The following PPP1R3F variants were observed in gnomAD, a reference collection of about 807,000 sequenced individuals.
PPP1R3F encodes protein phosphatase 1 regulatory subunit 3F.
In PPP1R3F, 29 loss-of-function variants were observed where a neutral mutation model predicts 24.2. The observed-to-expected ratio is 1.20, with a 90% CI of 0.89 to 1.63. The LOEUF (loss-of-function observed/expected upper bound fraction) is 1.63, where lower values mean the gene tolerates loss of function less well. PPP1R3F is among the 40% of genes most tolerant of loss of function. PPP1R3F has a pLI of 0.00. For missense variants in PPP1R3F, 823 were observed against 729.3 expected (o/e 1.13, Z -1.48); for synonymous variants, 363 against 340.1 (o/e 1.07, Z -0.74).
At chrX:49,289,664 G>A (rs868966668), downstream of PPP1R3F, among the ~76,000 whole-genome samples, 80 of 111,859 alleles carry the variant, frequency 7.2e-4, no homozygotes, top group African/African-American at 2.5e-3. Flanking sequence ...CTCTGGCAGA[G>A]GGAGGGATGT....
chrX:49,277,990 A>C (rs1265714991), intron 1 of PPP1R3F, among the ~76,000 whole-genome samples: 1 of 111,827 alleles, frequency 8.9e-6, no homozygotes, highest in Non-Finnish European at 1.9e-5. Flanking sequence ...GCTTCTGTCG[A>C]TGTTGTGGAT....
At chrX:49,272,585 G>A (rs1391854278) in intron 1 of PPP1R3F, among the ~76,000 whole-genome samples, 1 of 112,918 alleles carries the variant, frequency 8.9e-6, no homozygotes, top group African/African-American at 3.2e-5. Context: ...ATTCGGCTCC[G>A]CCCATCAGCT....
rs1202359025 is a variant in PPP1R3F, at chrX:49,271,449, A to G, written c.1004+576A>G. 5.3e-5 allele frequency among the ~76,000 whole-genome samples: 6 copies of G among 112,818 alleles called. 1 individual carries two copies. The highest frequency in any genetic ancestry group is 9.4e-5 in the Non-Finnish European group (5 of 53,325). ...TATGGAACAAGGGTGTTCTAGGTAG[A>G]GGAAACAGCAAGTGCAAAGGTCCTG... On this transcript the variant is annotated intron_variant, in intron 1 of 3. Transcript: ENST00000055335.
chrX:49,283,516 C>T (rs1346516467), intron 3 of PPP1R3F, among the ~76,000 whole-genome samples: 1 of 111,768 alleles, frequency 8.9e-6, no homozygotes, highest in Non-Finnish European at 1.9e-5. Flanking sequence ...AGAAAATAAA[C>T]GGTAATTCCT....
intron 1 of PPP1R3F, among the ~76,000 whole-genome samples, chrX:49,272,768 C>T (rs782567808): frequency 8.9e-5 from 10 of 112,361 alleles, no homozygotes; most frequent in South Asian, 3.7e-4. Context: ...CCATTCTCTC[C>T]GTGAGGCCTG....
In PPP1R3F at chrX:49,269,821, C is replaced by CCCCGCCGGT; in HGVS notation, c.-41_-33dup. 1.2e-6 allele frequency: 1 copy of CCCCGCCGGT among 812,373 alleles called. No individual in the cohort carries two copies. The allele number at this position is 812,373 out of a possible 1,213,427, so 66.9% of individuals were successfully genotyped here. ...GGCTGCCCGCCCCTTCAGGCCCTGCCCCCGCCGGTCCCGCCGCCGGTGCCG... is the reference window on the plus strand; with the variant it reads ...GGCTGCCCGCCCCTTCAGGCCCTGCCCCCGCCGGTCCCGCCGGTCCCGCCGCCGGTGCCG... On this transcript the variant is annotated 5_prime_UTR_variant, in exon 1 of 4. Transcript: ENST00000055335.
intron 3 of PPP1R3F, among the ~76,000 whole-genome samples, chrX:49,284,982 C>T (rs986452275): frequency 1.8e-5 from 2 of 111,124 alleles, no homozygotes; most frequent in Admixed American, 9.6e-5. Flanking sequence ...GAAGATGATA[C>T]ATCATGGGTT....
rs782360519 is a variant in PPP1R3F, at chrX:49,270,142, G to C, written c.273G>C (p.Gly91=). The change falls in exon 1 of 4, where the codon GGG becomes GGC. Residue 91 remains glycine, a synonymous_variant. Coordinates refer to ENST00000055335, the MANE Select transcript of PPP1R3F (RefSeq NM_033215.5). ...EDDDGEDGDE[G]EEEEEACPEP... ...ACGATGGCGAGGATGGGGATGAAGG[G>C]GAGGAGGAAGAGGAGGCTTGCCCCG... 2 of 1,076,170 alleles carry C rather than the reference G, an allele frequency of 1.9e-6. No homozygotes were observed. The highest frequency in any genetic ancestry group is 2.4e-6 in the Non-Finnish European group (2 of 834,382). 88.7% of individuals were successfully genotyped at this position (1,076,170 alleles called of 1,213,427 possible).
At position 49,270,660 on chromosome X, in the gene PPP1R3F, G is replaced by A; in HGVS notation, c.791G>A (p.Arg264His). The A allele has an allele frequency of 8.3e-7, 1 of 1,209,187 alleles. No homozygotes were observed. Among genetic ancestry groups the A allele is most frequent in the Non-Finnish European group, 1.1e-6 (1 of 894,662 alleles). ...GGGGCGCGCCTCGACTTCGTGGTGC[G>A]CTATGAGACCCCTGAGGGCACTTTC... ...GDGARLDFVV[R>H]YETPEGTFWA... The change falls in exon 1 of 4, where the codon CGC becomes CAC. Residue 264 changes from arginine to histidine, a missense_variant. Arg to His is a conservative substitution (Grantham distance 29). Transcript: ENST00000055335.
intron 1 of PPP1R3F, among the ~76,000 whole-genome samples, chrX:49,278,391 G>T (rs1477632387): frequency 8.9e-6 from 1 of 112,556 alleles, no homozygotes; most frequent in Non-Finnish European, 1.9e-5. Context: ...GTAACAAAAA[G>T]AAGTAAGTTA....
At chrX:49,296,537 A>T (rs373157357) in intron 3 of PPP1R3F, among the ~76,000 whole-genome samples, 20 of 110,781 alleles carry the variant, frequency 1.8e-4, no homozygotes, top group Middle Eastern at 4.6e-3. Context: ...CTCTGATCTT[A>T]GTTATTTCTT....
chrX:49,296,814 G>C (rs1390953453), intron 3 of PPP1R3F, among the ~76,000 whole-genome samples: 1 of 112,044 alleles, frequency 8.9e-6, no homozygotes, highest in Admixed American at 9.5e-5. Flanking sequence ...TTTCCATGTA[G>C]TTGTGTGGTT....
At chrX:49,290,313 C>G (rs1326734513), downstream of PPP1R3F, among the ~76,000 whole-genome samples, 5 of 110,526 alleles carry the variant, frequency 4.5e-5, no homozygotes, top group Non-Finnish European at 9.5e-5. Context: ...AGTGGGGAAT[C>G]CTCTATCGTG....
At position 49,270,100 on chromosome X, in the gene PPP1R3F, C is replaced by T. The variant is rs1557118637; in HGVS notation, c.231C>T (p.Gly77=). 1.0e-6 allele frequency: 1 copy of T among 1,004,782 alleles called. No homozygotes were observed. The highest frequency in any genetic ancestry group is 1.3e-6 in the Non-Finnish European group (1 of 795,582). The allele number at this position is 1,004,782 out of a possible 1,213,427, so 82.8% of individuals were successfully genotyped here. Residue 77 remains glycine, a synonymous_variant, in exon 1 of 4, where the codon GGC becomes GGT. Coordinates refer to ENST00000055335, the MANE Select transcript of PPP1R3F (RefSeq NM_033215.5). ...AAAGQDGGGG[G]GADEDDDGED... is the part of the protein sequence containing the mutation. ...CCGGGCAAGATGGCGGCGGCGGCGG[C>T]GGGGCCGACGAGGACGACGATGGCG...
At chrX:49,294,523 C>G (rs1433200921) in intron 3 of PPP1R3F, among the ~76,000 whole-genome samples, 1 of 110,077 alleles carries the variant, frequency 9.1e-6, no homozygotes, top group Non-Finnish European at 1.9e-5. Context: ...GCTGGTCAGG[C>G]CTTTCAATTA....
downstream of PPP1R3F, among the ~76,000 whole-genome samples, chrX:49,289,374 T>C (rs1262773159): frequency 9.0e-6 from 1 of 111,175 alleles, no homozygotes; most frequent in Non-Finnish European, 1.9e-5. Context: ...GAGGAGATAA[T>C]GGAATCACAT....
chrX:49,281,585 T>G, intron 2 of PPP1R3F, 124 bp downstream of exon 2: 2 of 549,999 alleles, frequency 3.6e-6, no homozygotes, highest in Non-Finnish European at 5.9e-6. Flanking sequence ...ATCCCAGCAC[T>G]TTGGGAGGCT....
chrX:49,269,861 G>C lies in PPP1R3F; in HGVS notation c.-9G>C. ...CGCCGGTGCCGTCGGTGCCGCCGCC[G>C]CCGCCGATATGGCGCGTACGGCCCC... On this transcript the variant is annotated 5_prime_UTR_variant, in exon 1 of 4. Transcript: ENST00000055335. 1 of 887,828 alleles carries C rather than the reference G, an allele frequency of 1.1e-6. No individual in the cohort carries two copies. Among genetic ancestry groups the C allele is most frequent in the Non-Finnish European group, 1.4e-6 (1 of 723,250 alleles). The allele number at this position is 887,828 out of a possible 1,213,427, so 73.2% of individuals were successfully genotyped here.
intron 1 of PPP1R3F, among the ~76,000 whole-genome samples, chrX:49,277,495 G>T (rs2066221602): frequency 8.9e-6 from 1 of 112,483 alleles, no homozygotes; most frequent in Non-Finnish European, 1.9e-5. Context: ...AAAAGAACAG[G>T]TTTCCTTCTT....
Sources: gnomAD v4.1 joint callset for allele counts (sites outside exome capture counted in the v4.1 genomes callset) on GRCh38, gnomAD v4.1.1 for gene constraint, MANE v1.5 for transcripts, NCBI Gene and HGNC (gene_info 2026-07-23, HGNC 2026-07-21) for gene names.